The following CUL9 variants were observed in gnomAD, a reference collection of about 807,000 sequenced individuals.
CUL9 encodes cullin-9.
CUL9 carries 79 observed loss-of-function variants against 272.6 expected under a neutral mutation model. The ratio of observed to expected loss-of-function variants is 0.29; its 90% CI spans 0.24 to 0.35. CUL9 has a LOEUF of 0.35. Among genes scored for constraint, CUL9 ranks in the 10% least tolerant of loss-of-function variants. The pLI, the probability that CUL9 is intolerant of heterozygous loss-of-function variation, is 1.00. For synonymous variants in CUL9, 1,186 were observed against 1,286.5 expected (o/e 0.92, Z 1.67); for missense variants, 2,532 against 3,255.6 (o/e 0.78, Z 5.41).
chr6:43,209,824 T>C (rs1180399932), intron 26 of CUL9, among the ~76,000 whole-genome samples: 2 of 151,926 alleles, frequency 1.3e-5, no homozygotes, highest in African/African-American at 4.8e-5. Flanking sequence ...TTTTTTGTAT[T>C]TTTAGTAGAG....
chr6:43,216,835 C>T (rs191619698), intron 31 of CUL9, among the ~76,000 whole-genome samples: 4 of 152,286 alleles, frequency 2.6e-5, no homozygotes, highest in Admixed American at 2.0e-4. Context: ...GGTGAGAAAT[C>T]TACAGGAAGT....
intron 1 of CUL9, among the ~76,000 whole-genome samples, chr6:43,182,780 C>T (rs1031405413): frequency 1.1e-4 from 16 of 152,150 alleles, no homozygotes; most frequent in Non-Finnish European, 1.8e-4. Flanking sequence ...GCCCTGACCA[C>T]TATATCTTCA....
intron 11 of CUL9, among the ~76,000 whole-genome samples, chr6:43,197,780 C>G (rs536982270): frequency 3.3e-5 from 5 of 152,162 alleles, no homozygotes; most frequent in Non-Finnish European, 7.3e-5. Context: ...CTGTGCCTGG[C>G]CTAAGCTTAA....
intron 6 of CUL9, 103 bp from the exon 7 acceptor site, chr6:43,187,610 A>T: frequency 1.4e-6 from 2 of 1,387,356 alleles, no homozygotes; most frequent in Non-Finnish European, 1.0e-6. Context: ...TCTAGTATGT[A>T]GAAGGTGTGG....
At chr6:43,183,969 A>T (rs1307221818) in intron 1 of CUL9, among the ~76,000 whole-genome samples, 3 of 151,940 alleles carry the variant, frequency 2.0e-5, no homozygotes, top group South Asian at 4.1e-4. Flanking sequence ...ACCAGGCTGG[A>T]CTTGAATTCC....
Position 43,188,486 on chromosome 6 carries a change from A to C in CUL9, c.1988-37A>C, listed in dbSNP as rs978576280. ...AAGACTTCTAACTTCAAGGTGCCAC[A>C]GTTCTTTTAGCCATTGCCTTTTCCC... On this transcript the variant is annotated intron_variant, in intron 7 of 40. Transcript: ENST00000252050. The C allele has an allele frequency of 2.6e-6, 4 of 1,543,988 alleles. No individual in the cohort carries two copies. In the African/African-American group the frequency reaches 5.5e-5, roughly 21 times the overall value.
intron 17 of CUL9, 139 bp downstream of exon 17, chr6:43,202,960 G>T: frequency 8.4e-7 from 1 of 1,186,042 alleles, no homozygotes; most frequent in South Asian, 1.3e-5. Flanking sequence ...AGTGAGAGTG[G>T]GATTAGGGAT....
intron 26 of CUL9, chr6:43,212,882 T>G (rs1775631893): frequency 2.5e-6 from 1 of 393,158 alleles, no homozygotes; most frequent in Non-Finnish European, 4.6e-6. Context: ...TGCAAGTGTT[T>G]TCTCTCTGGT....
intron 11 of CUL9, 48 bp from the exon 12 acceptor site, chr6:43,198,561 G>T: frequency 6.2e-7 from 1 of 1,603,258 alleles, no homozygotes. Flanking sequence ...TTGACAAACT[G>T]GTAAGACTCT....
chr6:43,182,537 C>G (rs1198338318), intron 1 of CUL9, among the ~76,000 whole-genome samples: 1 of 152,116 alleles, frequency 6.6e-6, no homozygotes, highest in East Asian at 1.9e-4. Flanking sequence ...ACCCCCACAC[C>G]TCAGTTTATT....
At position 43,208,834 on chromosome 6, in the gene CUL9, A is replaced by G. The variant is rs928938640; in HGVS notation, c.5212+2324A>G. Among the ~76,000 whole-genome samples, 4 of 151,992 alleles carry G rather than the reference A, an allele frequency of 2.6e-5. No individual in the cohort carries two copies. The East Asian group carries it at 7.7e-4, about 29-fold the overall frequency. ...CCATTTTAACCATTCAAAGTATACA[A>G]TTTGTCCTTTTACTTGTATTTTTTG... On this transcript the variant is annotated intron_variant, in intron 26 of 40. Coordinates refer to ENST00000252050, the MANE Select transcript of CUL9 (RefSeq NM_015089.4).
chr6:43,213,624 G>C lies in CUL9; in HGVS notation c.5488+57G>C. ...CTGCTGGTCGGGGGGTCGCCCTCAA[G>C]ATGGGGGGACTGTGAGAATGGGGTC... On this transcript the variant is annotated intron_variant, in intron 28 of 40. Transcript: ENST00000252050. This position sits in a 1 kb window ranked among gnomAD's most constrained non-coding sequence, Gnocchi z 5.7. The C allele has an allele frequency of 1.2e-6, 2 of 1,602,422 alleles. No homozygotes were observed. The highest frequency in any genetic ancestry group is 1.7e-6 in the Non-Finnish European group (2 of 1,173,432).
intron 8 of CUL9, among the ~76,000 whole-genome samples, chr6:43,189,251 G>A (rs183603486): frequency 2.0e-5 from 3 of 151,378 alleles, no homozygotes; most frequent in Non-Finnish European, 2.9e-5. Flanking sequence ...GTGCAGTGGC[G>A]CGATCTCGGC....
chr6:43,188,396 ACT>A (rs2150526181), intron 7 of CUL9, 125 bp from the exon 8 acceptor site: 2 of 977,756 alleles, frequency 2.0e-6, no homozygotes, highest in Admixed American at 2.9e-5. Context: ...GAATTGGAAA[ACT>A]CTGCAAGCTG....
intron 9 of CUL9, among the ~76,000 whole-genome samples, chr6:43,195,535 A>G (rs1172595456): frequency 6.6e-6 from 1 of 152,222 alleles, no homozygotes; most frequent in African/African-American, 2.4e-5. Context: ...GGGTGAGTGC[A>G]GAGTCCAGAG....
chr6:43,188,172 A>G, intron 7 of CUL9, 54 bp downstream of exon 7: 2 of 1,596,700 alleles, frequency 1.3e-6, no homozygotes, highest in Non-Finnish European at 1.7e-6. Context: ...TAGTCTCAGT[A>G]GAAGAAATGG....
chr6:43,200,369 G>C lies in CUL9; in HGVS notation c.3385-67G>C. 1.2e-6 allele frequency: 2 copies of C among 1,612,996 alleles called. No homozygotes were observed. Among genetic ancestry groups the C allele is most frequent in the African/African-American group, 1.3e-5 (1 of 74,992 alleles). Reference sequence around the variant, plus strand: ...GACCCTTGACTTTTTCTCTCTACCTGTTTCTGGGCATTTCTCTGTGTTCCT... The same window carrying C: ...GACCCTTGACTTTTTCTCTCTACCTCTTTCTGGGCATTTCTCTGTGTTCCT... On this transcript the variant is annotated intron_variant, in intron 14 of 40. Coordinates refer to ENST00000252050, the MANE Select transcript of CUL9 (RefSeq NM_015089.4). This position sits in a 1 kb window ranked among gnomAD's most constrained non-coding sequence, Gnocchi z 4.0.
In CUL9 at chr6:43,205,037, T is replaced by C. The variant is rs2150587521; in HGVS notation, c.4554T>C (p.Pro1518=). The C allele has an allele frequency of 6.2e-7, 1 of 1,612,716 alleles. No individual in the cohort carries two copies. The highest frequency in any genetic ancestry group is 1.6e-4 in the Middle Eastern group (1 of 6,062). The part of the protein sequence containing the change: ...LQRAGSELFG[P]RAAFMLALRS... The stretch of plus-strand genomic sequence containing the variant: ...GAGCAGGCTCCGAGCTGTTTGGGCC[T>C]CGGGCAGCCTTCATGCTGGCTCTGC... Residue 1518 remains proline (P), a synonymous_variant, in exon 23 of 41, where the codon CCT becomes CCC. Transcript: ENST00000252050.
In CUL9 at chr6:43,186,197, C is replaced by T; in HGVS notation, c.993C>T (p.Pro331=). 8.7e-6 allele frequency: 14 copies of T among 1,614,218 alleles called. No homozygotes were observed. The highest frequency in any genetic ancestry group is 1.1e-5 in the Non-Finnish European group (13 of 1,180,048). ...TCAGCGAACAGGGCATGTCACCTCC[C>T]CGGCCAACCCGGTCCATCTTTCAGC... The part of the protein sequence containing the change: ...RNLSEQGMSP[P]RPTRSIFQPY... The change falls in exon 4 of 41, where the codon CCC becomes CCT. Residue 331 remains proline (P), a synonymous_variant. Transcript: ENST00000252050.
Sources: allele counts gnomAD v4.1 joint callset (sites outside exome capture counted in the v4.1 genomes callset), GRCh38; gene constraint gnomAD v4.1.1; non-coding constraint Gnocchi (gnomAD v3.1); transcripts MANE v1.5; gene names NCBI Gene and HGNC (gene_info 2026-07-23, HGNC 2026-07-21).